STK24: variants seen among roughly 807,000 people sequenced by gnomAD.
STK24 encodes the protein serine/threonine kinase 24.
Under a neutral mutation model 55.6 loss-of-function variants are expected in STK24, and 21 were observed. That is an observed-to-expected ratio of 0.38 (90% CI 0.27 to 0.54). The LOEUF (loss-of-function observed/expected upper bound fraction) is 0.54. STK24 is among the 20% of genes least tolerant of loss of function. The pLI, the probability that STK24 is intolerant of heterozygous loss-of-function variation, is 0.79. For missense variants in STK24, 383 were observed against 538.4 expected (o/e 0.71, Z 2.86); for synonymous variants, 200 against 215.2 (o/e 0.93, Z 0.62).
chr13:98,472,866 C>T (rs1247445858), intron 5 of STK24, among the ~76,000 whole-genome samples: 1 of 152,108 alleles, frequency 6.6e-6, no homozygotes, highest in Non-Finnish European at 1.5e-5. Flanking sequence ...TAAAGCTGTG[C>T]ACTGATGCTT....
chr13:98,521,783 C>T (rs1333157923), intron 1 of STK24: 2 of 781,032 alleles, frequency 2.6e-6, no homozygotes, highest in African/African-American at 3.4e-5. Context: ...ACCGTGCTCC[C>T]TCCAGGATGA....
rs75098682 is a variant in STK24, at chr13:98,459,624, C to T, written c.1122+748G>A. On this transcript the variant is annotated intron_variant, in intron 9 of 10. Coordinates refer to ENST00000539966, the MANE Select transcript of STK24 (RefSeq NM_001032296.4). ...ACACTTCCTCTCCTGAGCACCTCCC[C>T]TTCAAGGACCAGGACCCCTAAACAC... Among the ~76,000 whole-genome samples, 6 of 152,250 alleles carry T rather than the reference C, an allele frequency of 3.9e-5. No homozygotes were observed. In the East Asian group the frequency reaches 1.2e-3, roughly 29 times the overall value.
At chr13:98,529,228 A>G (rs1896514892) in intron 1 of STK24, among the ~76,000 whole-genome samples, 1 of 151,948 alleles carries the variant, frequency 6.6e-6, no homozygotes, top group Non-Finnish European at 1.5e-5. Context: ...TACCATTTCT[A>G]AAGCTGGAAA....
Position 98,475,360 on chromosome 13 carries a change from T to C in STK24, c.331-2A>G. 6.3e-7 allele frequency: 1 copy of C among 1,582,022 alleles called. No homozygotes were observed. Among genetic ancestry groups the C allele is most frequent in the Non-Finnish European group, 8.6e-7 (1 of 1,167,522 alleles). ...TTCATCTAATGGGCCAGGTTCTAAC[T>C]AAGAAGAGAAAAAAATTCTTAAAGT... is the stretch of plus-strand genomic sequence containing the variant. On this transcript the variant is annotated splice_acceptor_variant, in intron 3 of 10. Transcript: ENST00000539966. LOFTEE classifies it high-confidence loss of function.
chr13:98,469,149 C>T (rs1417073553), intron 5 of STK24, among the ~76,000 whole-genome samples: 1 of 152,238 alleles, frequency 6.6e-6, no homozygotes, highest in Non-Finnish European at 1.5e-5. Context: ...ACGCAGTGTG[C>T]ACCACGGGAA....
chr13:98,570,728 T>C (rs368224070), intron 1 of STK24, among the ~76,000 whole-genome samples: 4 of 152,310 alleles, frequency 2.6e-5, no homozygotes. Flanking sequence ...AATTTAAACC[T>C]TGCAAACCAG....
chr13:98,556,926 T>C (rs1897301989), intron 1 of STK24, among the ~76,000 whole-genome samples: 1 of 151,804 alleles, frequency 6.6e-6, no homozygotes, highest in Non-Finnish European at 1.5e-5. Flanking sequence ...TAAAAGGAAC[T>C]CCTGTCGTCT....
chr13:98,509,949 G>T (rs1318844425), intron 2 of STK24, among the ~76,000 whole-genome samples: 1 of 152,170 alleles, frequency 6.6e-6, no homozygotes, highest in East Asian at 1.9e-4. Flanking sequence ...TTTGAACTTG[G>T]ATTTGACCAC....
intron 1 of STK24, among the ~76,000 whole-genome samples, chr13:98,523,636 C>G (rs1401474772): frequency 1.3e-5 from 2 of 152,212 alleles, no homozygotes; most frequent in African/African-American, 2.4e-5. Flanking sequence ...CCCACTTCCT[C>G]GACGCCAGCT....
rs554397879 is a variant in STK24, at chr13:98,570,888, G to C, written c.42+5857C>G. 4.6e-5 allele frequency among the ~76,000 whole-genome samples: 7 copies of C among 152,238 alleles called. No individual in the cohort carries two copies. In the South Asian group the frequency reaches 1.4e-3, roughly 32 times the overall value. On this transcript the variant is annotated intron_variant, in intron 1 of 10. Coordinates refer to ENST00000539966, the MANE Select transcript of STK24 (RefSeq NM_001032296.4). ...GCTACAAACTACTCCGACGACAGTG[G>C]CTGATTCTACGCGATGAGACATGGA...
At chr13:98,454,447 T>A (rs1428214006) in intron 10 of STK24, 2 of 152,228 alleles carry the variant, frequency 1.3e-5, no homozygotes, top group Admixed American at 6.5e-5. Context: ...TTTTCAGGCA[T>A]TTGAAATACT....
intron 1 of STK24, among the ~76,000 whole-genome samples, chr13:98,552,643 T>C (rs1205517578): frequency 1.3e-5 from 2 of 152,078 alleles, no homozygotes; most frequent in African/African-American, 4.8e-5. Context: ...CCAGGGTGGC[T>C]ACCGAGGGCG....
intron 3 of STK24, among the ~76,000 whole-genome samples, chr13:98,475,833 A>G (rs1287658192): frequency 6.6e-6 from 1 of 152,166 alleles, no homozygotes; most frequent in African/African-American, 2.4e-5. Flanking sequence ...CTGTCCTAAC[A>G]TATGTGGTTC....
In STK24 at chr13:98,463,672, C is replaced by T. The variant is rs764398653; in HGVS notation, c.929+19G>A. On this transcript the variant is annotated intron_variant, in intron 7 of 10. Transcript: ENST00000539966. ...ATCCCTCCCACACACATGCTTGGGT[C>T]ACTCAGGGGCCGACTTACGCGTCGG... is the stretch of plus-strand genomic sequence containing the variant. The T allele has an allele frequency of 3.1e-6, 5 of 1,610,238 alleles. No homozygotes were observed. Among genetic ancestry groups the T allele is most frequent in the Middle Eastern group, 1.6e-4 (1 of 6,078 alleles).
At position 98,510,505 on chromosome 13, in the gene STK24, C is replaced by T. The variant is rs1163708510; in HGVS notation, c.273+8738G>A. ...ATGTTCATGGGAACAGTATTCACAA[C>T]AGCCAAAAAATAAAAACCCAAATAT... On this transcript the variant is annotated intron_variant, in intron 2 of 10. Coordinates refer to ENST00000539966, the MANE Select transcript of STK24 (RefSeq NM_001032296.4). 3.3e-5 allele frequency among the ~76,000 whole-genome samples: 5 copies of T among 152,310 alleles called. No homozygotes were observed. The East Asian group carries it at 9.6e-4, about 29-fold the overall frequency.
At chr13:98,559,966 T>C (rs142642053) in intron 1 of STK24, among the ~76,000 whole-genome samples, 7 of 152,036 alleles carry the variant, frequency 4.6e-5, no homozygotes, top group African/African-American at 1.7e-4. Flanking sequence ...CTGGGCAACA[T>C]AGTGAACTCC....
chr13:98,457,349 G>A (rs749484848), intron 9 of STK24, 45 bp from the exon 10 acceptor site: 2 of 1,612,430 alleles, frequency 1.2e-6, no homozygotes, highest in Non-Finnish European at 1.7e-6. Context: ...CACACCAGCT[G>A]CAAAACTGGG....
intron 3 of STK24, among the ~76,000 whole-genome samples, chr13:98,480,961 A>G (rs1894559759): frequency 6.6e-6 from 1 of 152,160 alleles, no homozygotes; most frequent in Non-Finnish European, 1.5e-5. Context: ...CTAAAGTAAC[A>G]CAGCTAACTT....
intron 2 of STK24, among the ~76,000 whole-genome samples, chr13:98,503,024 G>GTGTTTTTTTTTTTTTTTTT (rs1555306356): frequency 1.9e-5 from 2 of 107,058 alleles, no homozygotes; most frequent in African/African-American, 8.0e-5. Context: ...CTTTCCATGT[G>GTGTTTTTTTTTTTTTTTTT]TTTTTTTTTT....
Sources: allele counts gnomAD v4.1 joint callset (sites outside exome capture counted in the v4.1 genomes callset), GRCh38; gene constraint gnomAD v4.1.1; transcripts MANE v1.5; gene names NCBI Gene and HGNC (gene_info 2026-07-23, HGNC 2026-07-21).